Variants in CFAP20DC observed in about 807,000 individuals in gnomAD.
CFAP20DC encodes the protein CFAP20 domain containing, also known as protein CFAP20DC.
Under a neutral mutation model 101.7 loss-of-function variants are expected in CFAP20DC, and 84 were observed. The ratio of observed to expected loss-of-function variants is 0.83; its 90% CI spans 0.69 to 0.99. The LOEUF (loss-of-function observed/expected upper bound fraction) is 0.99, where lower values mean the gene tolerates loss of function less well. CFAP20DC is among the 50% of genes least tolerant of loss of function. The pLI is 0.00. For synonymous variants in CFAP20DC, 359 were observed against 351.2 expected, an observed-to-expected ratio of 1.02 and a Z score of -0.25; for missense variants, 1,007 against 970.3, an observed-to-expected ratio of 1.04 and a Z score of -0.50.
At chr3:58,842,831 G>A (rs1269338236) in intron 13 of CFAP20DC, among the ~76,000 whole-genome samples, 3 of 152,212 alleles carry the variant, frequency 2.0e-5, no homozygotes, top group African/African-American at 2.4e-5. Context: ...CCGGCAGACT[G>A]CCTCCTCAAG....
chr3:59,049,946 C>T lies in CFAP20DC; in HGVS notation c.-315G>A, dbSNP rs557431870. 3.0e-6 allele frequency: 1 copy of T among 331,360 alleles called. No individual in the cohort carries two copies. Among genetic ancestry groups the T allele is most frequent in the African/African-American group, 2.1e-5 (1 of 46,820 alleles). 20.5% of individuals were successfully genotyped at this position (331,360 alleles called of 1,614,324 possible). A position where few individuals can be genotyped will look rare whatever the true frequency, so the allele number is the denominator to read the frequency against. On this transcript the variant is annotated 5_prime_UTR_variant, in exon 1 of 17. Transcript: ENST00000482387. Reference sequence around the variant, plus strand: ...TGTGTGTAACCTACGTGACGGGGCGCCCAGTCGCGGAGCCACAGACAACCG... The same window carrying T: ...TGTGTGTAACCTACGTGACGGGGCGTCCAGTCGCGGAGCCACAGACAACCG...
At chr3:58,789,283 C>A (rs1295098848) in intron 15 of CFAP20DC, among the ~76,000 whole-genome samples, 1 of 152,088 alleles carries the variant, frequency 6.6e-6, no homozygotes, top group Non-Finnish European at 1.5e-5. Context: ...CAAAATAAAA[C>A]CATCCAAATC....
downstream of CFAP20DC, among the ~76,000 whole-genome samples, chr3:58,738,785 C>A (rs938402924): frequency 1.3e-5 from 2 of 152,060 alleles, no homozygotes; most frequent in Non-Finnish European, 2.9e-5. The surrounding 1 kb of genome is among the most constrained non-coding windows in gnomAD (Gnocchi z 4.4). Context: ...ATTATTCTGG[C>A]CATTTTGATT....
chr3:58,822,659 CA>C (rs1403165046), intron 14 of CFAP20DC, among the ~76,000 whole-genome samples: 1 of 151,134 alleles, frequency 6.6e-6, no homozygotes, highest in East Asian at 1.9e-4. Context: ...TGTTAGAAAA[CA>C]AAAAAGTAAC....
chr3:58,829,944 T>C (rs2076286600), intron 14 of CFAP20DC, among the ~76,000 whole-genome samples: 1 of 152,124 alleles, frequency 6.6e-6, no homozygotes, highest in Admixed American at 6.5e-5. Context: ...TGCTGCAGAG[T>C]ATTTTATAAG....
rs535320241 is a variant in CFAP20DC, at chr3:58,874,853, C to T, written c.716-4544G>A. Reference sequence around the variant, plus strand: ...AGTGGCCTGCTTCTGTCACCCTGAACTGCCAGCACCTAGCCCAGTGCTTGA... The same window carrying T: ...AGTGGCCTGCTTCTGTCACCCTGAATTGCCAGCACCTAGCCCAGTGCTTGA... On this transcript the variant is annotated intron_variant, in intron 7 of 16. Transcript: ENST00000482387. The surrounding 1 kb of genome is among the most constrained non-coding windows in gnomAD (Gnocchi z 5.1). 1.8e-4 allele frequency among the ~76,000 whole-genome samples: 28 copies of T among 152,208 alleles called. No individual in the cohort carries two copies. Among genetic ancestry groups the T allele is most frequent in the Non-Finnish European group, 3.7e-4 (25 of 68,038 alleles).
At chr3:58,928,157 G>T (rs1372223203) in intron 5 of CFAP20DC, among the ~76,000 whole-genome samples, 2 of 152,180 alleles carry the variant, frequency 1.3e-5, no homozygotes, top group African/African-American at 4.8e-5. Context: ...AGGGACTGGA[G>T]ATGATACACT....
chr3:58,878,957 A>C (rs113379127), intron 7 of CFAP20DC, among the ~76,000 whole-genome samples: 1,527 of 152,102 alleles, frequency 0.01, 29 homozygotes, highest in African/African-American at 0.035. Context: ...GCAGCGAGCC[A>C]AGATTGTGCC....
intron 6 of CFAP20DC, among the ~76,000 whole-genome samples, chr3:58,900,929 C>T (rs2083092112): frequency 1.3e-5 from 2 of 152,140 alleles, no homozygotes; most frequent in South Asian, 2.1e-4. Context: ...ATGTAAAGCA[C>T]TTTATGTATT....
At chr3:59,032,146 G>T (rs1016539638) in intron 4 of CFAP20DC, among the ~76,000 whole-genome samples, 1 of 152,114 alleles carries the variant, frequency 6.6e-6, no homozygotes, top group Non-Finnish European at 1.5e-5. Flanking sequence ...CTGAGCCATG[G>T]GGAGCAATGC....
chr3:58,810,290 T>C lies in CFAP20DC; in HGVS notation c.2176-3834A>G, dbSNP rs866687868. On this transcript the variant is annotated intron_variant, in intron 14 of 16. Coordinates refer to ENST00000482387, the MANE Select transcript of CFAP20DC (RefSeq NM_001394063.1). ...GACCAATATCCTTGATGAACATTGATGCAAAAATCCTCAATAAAATACTGG... is the reference window on the plus strand; with the variant it reads ...GACCAATATCCTTGATGAACATTGACGCAAAAATCCTCAATAAAATACTGG... 6.6e-5 allele frequency among the ~76,000 whole-genome samples: 10 copies of C among 152,198 alleles called. No homozygotes were observed. In the Middle Eastern group the frequency reaches 0.014, roughly 208 times the overall value.
At chr3:58,880,183 C>G (rs116280062) in intron 7 of CFAP20DC, among the ~76,000 whole-genome samples, 1,535 of 152,248 alleles carry the variant, frequency 0.01, 29 homozygotes, top group African/African-American at 0.035. Context: ...AAAGTCTTTT[C>G]TCACTGCCCC....
At chr3:58,835,079 C>T (rs551927209) in intron 13 of CFAP20DC, among the ~76,000 whole-genome samples, 6 of 152,138 alleles carry the variant, frequency 3.9e-5, no homozygotes, top group South Asian at 2.1e-4. Context: ...TTATTTTTTC[C>T]TCTCATCTTC....
At chr3:58,911,442 A>C (rs1188169962) in intron 6 of CFAP20DC, among the ~76,000 whole-genome samples, 2 of 152,110 alleles carry the variant, frequency 1.3e-5, no homozygotes, top group African/African-American at 4.8e-5. Flanking sequence ...ATCTCTTAGG[A>C]GAAGGAAGGA....
chr3:59,004,234 T>G (rs1057186520), intron 4 of CFAP20DC, among the ~76,000 whole-genome samples: 1 of 152,100 alleles, frequency 6.6e-6, no homozygotes, highest in African/African-American at 2.4e-5. Context: ...TCAATAAGTA[T>G]CTGGTAAACA....
intron 4 of CFAP20DC, among the ~76,000 whole-genome samples, chr3:58,999,770 C>A (rs770299602): frequency 4.7e-5 from 7 of 149,822 alleles, no homozygotes; most frequent in Non-Finnish European, 8.9e-5. Context: ...AATTTTCTTC[C>A]TTTGCTCTTT....
Position 58,971,069 on chromosome 3 carries a change from C to A in CFAP20DC, c.279-33307G>T, listed in dbSNP as rs1228789554. 6.6e-6 allele frequency among the ~76,000 whole-genome samples: 1 copy of A among 152,154 alleles called. No homozygotes were observed. The highest frequency in any genetic ancestry group is 2.4e-5 in the African/African-American group (1 of 41,454). On this transcript the variant is annotated intron_variant, in intron 4 of 16. Coordinates refer to ENST00000482387, the MANE Select transcript of CFAP20DC (RefSeq NM_001394063.1). The surrounding 1 kb of genome is among the most constrained non-coding windows in gnomAD (Gnocchi z 4.1). ...GCCATAAATTGACAACAAATTCACCCTTCATTTTAGGAGATATCAAGCACT... is the reference window on the plus strand; with the variant it reads ...GCCATAAATTGACAACAAATTCACCATTCATTTTAGGAGATATCAAGCACT...
chr3:58,890,837 C>A (rs998176968), intron 6 of CFAP20DC, among the ~76,000 whole-genome samples: 2 of 150,268 alleles, frequency 1.3e-5, no homozygotes, highest in Admixed American at 6.6e-5. Context: ...GGCCGCCGGG[C>A]AGAGACGCTC....
At chr3:59,045,900 C>G (rs1699815804) in intron 3 of CFAP20DC, among the ~76,000 whole-genome samples, 1 of 151,992 alleles carries the variant, frequency 6.6e-6, no homozygotes, top group African/African-American at 2.4e-5. Flanking sequence ...TAAAAGAGTT[C>G]ATAAATATTA....
Sources: gnomAD v4.1 joint callset for allele counts (sites outside exome capture counted in the v4.1 genomes callset) on GRCh38, gnomAD v4.1.1 for gene constraint, Gnocchi (gnomAD v3.1) non-coding constraint, MANE v1.5 for transcripts, NCBI Gene and HGNC (gene_info 2026-07-23, HGNC 2026-07-21) for gene names.